The following SND1 variants were observed in gnomAD, a reference collection of about 807,000 sequenced individuals.
SND1 encodes the protein staphylococcal nuclease domain-containing protein 1.
A neutral mutation model predicts 121.7 loss-of-function variants in SND1; 38 were observed. That is an observed-to-expected ratio of 0.31 (90% CI 0.24 to 0.41). The LOEUF is 0.41. SND1 is among the 10% of genes least tolerant of loss of function. The probability of loss-of-function intolerance (pLI) is 1.00; values close to 1 mark genes in which losing one functional copy is unlikely to be tolerated. For synonymous variants in SND1, 401 were observed against 447.4 expected (o/e 0.90, Z 1.31); for missense variants, 868 against 1,184.6 (o/e 0.73, Z 3.92).
intron 16 of SND1, among the ~76,000 whole-genome samples, chr7:128,032,295 C>G (rs1390823298): frequency 1.3e-5 from 2 of 151,130 alleles, no homozygotes; most frequent in African/African-American, 2.4e-5. Context: ...CCTTCCTCCT[C>G]TCTTCCTCTC....
At chr7:127,690,328 T>C (rs1795891873) in intron 2 of SND1, among the ~76,000 whole-genome samples, 1 of 152,144 alleles carries the variant, frequency 6.6e-6, no homozygotes, top group Non-Finnish European at 1.5e-5. Context: ...GAAACCCCTC[T>C]GGGATGCCAA....
chr7:128,010,835 C>T (rs1803099021), intron 16 of SND1, among the ~76,000 whole-genome samples: 2 of 152,188 alleles, frequency 1.3e-5, no homozygotes, highest in Non-Finnish European at 2.9e-5. Flanking sequence ...TCACTAGTCA[C>T]TGCTCCAAGG....
chr7:127,872,628 G>GGACA (rs1554437875), intron 12 of SND1, among the ~76,000 whole-genome samples: 1 of 139,846 alleles, frequency 7.2e-6, no homozygotes, highest in Non-Finnish European at 1.6e-5. Flanking sequence ...TAACACACAC[G>GGACA]CACACACACA....
chr7:127,682,707 T>C (rs1795748987), intron 1 of SND1, among the ~76,000 whole-genome samples: 1 of 152,226 alleles, frequency 6.6e-6, no homozygotes, highest in Non-Finnish European at 1.5e-5. Context: ...AAACAACATA[T>C]TATACTTACA....
intron 12 of SND1, among the ~76,000 whole-genome samples, chr7:127,871,652 T>C (rs2896395): frequency 0.66 from 99,901 of 152,014 alleles, 33,395 homozygotes; most frequent in East Asian, 0.8. Context: ...TAATGAAATT[T>C]CTCCTGCTGC....
intron 4 of SND1, among the ~76,000 whole-genome samples, chr7:127,700,555 CTTGAT>C (rs1055461869): frequency 6.6e-6 from 1 of 152,096 alleles, no homozygotes; most frequent in African/African-American, 2.4e-5. Context: ...TTTAAAAAAA[CTTGAT>C]TTGATTTGTC....
intron 16 of SND1, among the ~76,000 whole-genome samples, chr7:128,018,272 G>A (rs865985181): frequency 7.2e-5 from 11 of 152,312 alleles, no homozygotes; most frequent in South Asian, 2.1e-4. Context: ...GTCCAGGTTG[G>A]ATTATTGTTG....
At chr7:127,720,415 G>C (rs1390873028) in intron 9 of SND1, among the ~76,000 whole-genome samples, 3 of 152,142 alleles carry the variant, frequency 2.0e-5, no homozygotes, top group African/African-American at 7.2e-5. Flanking sequence ...GAAAAAAAAA[G>C]GCATTGAATA....
At chr7:127,710,037 G>C (rs1244035845) in intron 9 of SND1, among the ~76,000 whole-genome samples, 1 of 151,144 alleles carries the variant, frequency 6.6e-6, no homozygotes, top group African/African-American at 2.4e-5. Flanking sequence ...TCTCAGGGTT[G>C]GCAAACTATG....
intron 12 of SND1, among the ~76,000 whole-genome samples, chr7:127,873,593 C>T (rs1302309711): frequency 6.6e-6 from 1 of 152,168 alleles, no homozygotes; most frequent in Non-Finnish European, 1.5e-5. Context: ...TAGAAGAAAG[C>T]ATGGCCTATG....
rs921959845 is a variant in SND1 at position 127,918,233 on chromosome 7, A to AT, written c.1528-10944dup. 9.4e-4 allele frequency among the ~76,000 whole-genome samples: 134 copies of AT among 141,984 alleles called. 1 individual carries two copies. The highest frequency in any genetic ancestry group is 4.7e-3 in the South Asian group (21 of 4,428). The allele number at this position is 141,984 out of a possible 152,430, so 93.1% of individuals were successfully genotyped here. A position where few individuals can be genotyped will look rare whatever the true frequency, so the allele number is the denominator to read the frequency against. On this transcript the variant is annotated intron_variant, in intron 14 of 23. Coordinates refer to ENST00000354725, the MANE Select transcript of SND1 (RefSeq NM_014390.4). ...GCCACCATAGCCGGCTAATTTTTGT[A>AT]TTTTTTTTTTTCAGTAGAGAAGGGC...
At chr7:127,878,880 C>T (rs996917592) in intron 12 of SND1, among the ~76,000 whole-genome samples, 4 of 152,084 alleles carry the variant, frequency 2.6e-5, no homozygotes, top group African/African-American at 9.7e-5. Flanking sequence ...GCTTCCAAAA[C>T]AGAATCTCCT....
intron 11 of SND1, among the ~76,000 whole-genome samples, chr7:127,818,326 C>G (rs962528451): frequency 3.3e-5 from 5 of 152,168 alleles, no homozygotes; most frequent in Non-Finnish European, 7.3e-5. Context: ...GCAGTCACTC[C>G]TTAGTACTGT....
intron 12 of SND1, among the ~76,000 whole-genome samples, chr7:127,873,207 G>A (rs1315719158): frequency 1.3e-5 from 2 of 152,024 alleles, no homozygotes; most frequent in Non-Finnish European, 2.9e-5. Flanking sequence ...GAAACTGTTG[G>A]GTTTCAGGTG....
chr7:128,058,275 G>A (rs1420082070), intron 16 of SND1, among the ~76,000 whole-genome samples: 2 of 152,392 alleles, frequency 1.3e-5, no homozygotes, highest in African/African-American at 4.8e-5. Flanking sequence ...AGCACAATGA[G>A]ATGAGCCAAC....
chr7:128,065,633 GC>G (rs1793300163), intron 16 of SND1, among the ~76,000 whole-genome samples: 2 of 152,230 alleles, frequency 1.3e-5, no homozygotes. Flanking sequence ...CACACCCCTA[GC>G]TCCATCCCTT....
intron 1 of SND1, among the ~76,000 whole-genome samples, chr7:127,680,528 A>G (rs1429221796): frequency 1.3e-5 from 2 of 152,128 alleles, no homozygotes; most frequent in East Asian, 3.9e-4. Flanking sequence ...CCTTGCTGAG[A>G]AAAAGAATTC....
intron 15 of SND1, among the ~76,000 whole-genome samples, chr7:127,987,884 G>A (rs982554207): frequency 4.9e-5 from 7 of 141,962 alleles, no homozygotes; most frequent in Non-Finnish European, 7.4e-5. Context: ...TAATTGCTAA[G>A]CTGGCCTCCA....
intron 11 of SND1, among the ~76,000 whole-genome samples, chr7:127,822,390 T>G (rs1337267880): frequency 6.6e-6 from 1 of 152,236 alleles, no homozygotes; most frequent in Non-Finnish European, 1.5e-5. Context: ...AGCTTGCAAC[T>G]TTCCCGTAAA....
Sources: gnomAD v4.1 joint callset for allele counts (sites outside exome capture counted in the v4.1 genomes callset) on GRCh38, gnomAD v4.1.1 for gene constraint, MANE v1.5 for transcripts, NCBI Gene and HGNC (gene_info 2026-07-23, HGNC 2026-07-21) for gene names.